FAM117A: variants seen among roughly 807,000 people sequenced by gnomAD.
FAM117A encodes the protein protein FAM117A.
A neutral mutation model predicts 44.1 loss-of-function variants in FAM117A; 21 were observed. That is an observed-to-expected ratio of 0.48 (90% confidence interval 0.34 to 0.69). FAM117A has a LOEUF of 0.69. FAM117A is among the 30% of genes least tolerant of loss of function. The pLI is 0.01. For synonymous variants in FAM117A, 220 were observed against 238.3 expected (o/e 0.92, Z 0.71); for missense variants, 498 against 589.9 (o/e 0.84, Z 1.61).
chr17:49,722,383 G>T (rs2073538979), intron 3 of FAM117A, 116 bp downstream of exon 3: 1 of 835,304 alleles, frequency 1.2e-6, no homozygotes, highest in Non-Finnish European at 1.9e-6. Flanking sequence ...GAAAAGGCCA[G>T]GTCAAGATAG....
chr17:49,724,820 A>C, intron 2 of FAM117A, among the ~76,000 whole-genome samples: 1 of 149,388 alleles, frequency 6.7e-6, no homozygotes, highest in Non-Finnish European at 1.5e-5. Flanking sequence ...AGACAGTCTC[A>C]AGAAAAAAAA....
chr17:49,773,708 G>C (rs1017261102), intron 1 of FAM117A, among the ~76,000 whole-genome samples: 3 of 151,476 alleles, frequency 2.0e-5, no homozygotes, highest in African/African-American at 4.9e-5. Context: ...TCAGGACTTA[G>C]GTGTTCAGTT....
intron 1 of FAM117A, among the ~76,000 whole-genome samples, chr17:49,736,589 G>T (rs1188410217): frequency 6.6e-6 from 1 of 152,162 alleles, no homozygotes. Flanking sequence ...TCATGTTCTG[G>T]TCCCACTTAC....
intron 7 of FAM117A, among the ~76,000 whole-genome samples, chr17:49,714,982 G>A (rs768019614): frequency 2.0e-5 from 3 of 152,290 alleles, no homozygotes; most frequent in Non-Finnish European, 4.4e-5. Flanking sequence ...TGCAGGGGCA[G>A]GAAGATAAAT....
intron 2 of FAM117A, among the ~76,000 whole-genome samples, chr17:49,730,468 T>C (rs976512561): frequency 5.3e-5 from 8 of 152,168 alleles, no homozygotes; most frequent in Non-Finnish European, 1.2e-4. Context: ...GAGAAAGCTA[T>C]CTGAGGAGTG....
upstream of FAM117A, among the ~76,000 whole-genome samples, chr17:49,764,402 T>G (rs1384145246): frequency 6.6e-6 from 1 of 152,082 alleles, no homozygotes; most frequent in Non-Finnish European, 1.5e-5. Context: ...GCGCCACCAA[T>G]GAGAAGACGC....
At chr17:49,728,168 C>T (rs1408744640) in intron 2 of FAM117A, among the ~76,000 whole-genome samples, 3 of 152,192 alleles carry the variant, frequency 2.0e-5, no homozygotes, top group Non-Finnish European at 2.9e-5. Flanking sequence ...TGGTCCTGAT[C>T]GCCAATCTGG....
At chr17:49,779,726 T>G (rs1156354847) in intron 1 of FAM117A, among the ~76,000 whole-genome samples, 1 of 152,226 alleles carries the variant, frequency 6.6e-6, no homozygotes, top group Non-Finnish European at 1.5e-5. Flanking sequence ...TCAGGACTGT[T>G]GGGAACCATG....
chr17:49,789,053 C>T (rs1481043341), upstream of FAM117A: 10 of 426,788 alleles, frequency 2.3e-5, no homozygotes, highest in Admixed American at 8.8e-5. Flanking sequence ...TATTCCCGCC[C>T]TCTGCTTGCC....
At chr17:49,727,122 CA>C (rs2073563493) in intron 2 of FAM117A, among the ~76,000 whole-genome samples, 1 of 152,074 alleles carries the variant, frequency 6.6e-6, no homozygotes, top group Admixed American at 6.6e-5. Context: ...TGTTTGTCTC[CA>C]GGCACGGTGA....
At chr17:49,743,888 G>A (rs1361403798) in intron 1 of FAM117A, among the ~76,000 whole-genome samples, 2 of 151,872 alleles carry the variant, frequency 1.3e-5, no homozygotes, top group African/African-American at 4.8e-5. Context: ...CTATGATTGT[G>A]CCACTACACT....
chr17:49,779,604 C>G (rs1289472508), intron 1 of FAM117A, among the ~76,000 whole-genome samples: 4 of 152,306 alleles, frequency 2.6e-5, no homozygotes, highest in African/African-American at 9.6e-5. Context: ...ATTTAAATGG[C>G]CTGCCGCCCT....
chr17:49,740,115 G>A (rs1303758155), intron 1 of FAM117A, among the ~76,000 whole-genome samples: 1 of 152,224 alleles, frequency 6.6e-6, no homozygotes, highest in Non-Finnish European at 1.5e-5. Context: ...AGTGGAGAGG[G>A]CCAGCGGTCA....
Position 49,711,009 on chromosome 17 carries a change from A to G in FAM117A, c.*246T>C. On this transcript the variant is annotated 3_prime_UTR_variant, in exon 8 of 8. Coordinates refer to ENST00000240364, the MANE Select transcript of FAM117A (RefSeq NM_030802.4). Reference sequence around the variant, plus strand: ...CTGGGTGTTTTCCACCAAGTGAGGGATGTGGCAGGTACACAGGTGTGAATT... The same window carrying G: ...CTGGGTGTTTTCCACCAAGTGAGGGGTGTGGCAGGTACACAGGTGTGAATT... 2.5e-6 allele frequency: 1 copy of G among 405,116 alleles called. No homozygotes were observed. The highest frequency in any genetic ancestry group is 3.8e-5 in the East Asian group (1 of 26,142). The allele number at this position is 405,116 out of a possible 1,614,324, so 25.1% of individuals were successfully genotyped here.
intron 2 of FAM117A, among the ~76,000 whole-genome samples, chr17:49,727,363 G>A (rs2073564684): frequency 6.6e-6 from 1 of 152,106 alleles, no homozygotes; most frequent in Non-Finnish European, 1.5e-5. Context: ...AGCCAAAATC[G>A]AGCCACTGCA....
chr17:49,724,384 C>G (rs552281598), intron 2 of FAM117A: 6 of 456,310 alleles, frequency 1.3e-5, no homozygotes, highest in African/African-American at 1.2e-4. Context: ...AGGGAAGATA[C>G]TGTACTCACA....
chr17:49,714,498 C>T (rs964213236), intron 7 of FAM117A, among the ~76,000 whole-genome samples: 3 of 151,358 alleles, frequency 2.0e-5, no homozygotes, highest in African/African-American at 4.9e-5. Context: ...CTAACACACC[C>T]GGCTACTTTT....
At chr17:49,772,807 A>C (rs2073764996) in intron 1 of FAM117A, among the ~76,000 whole-genome samples, 1 of 152,172 alleles carries the variant, frequency 6.6e-6, no homozygotes, top group South Asian at 2.1e-4. Flanking sequence ...GAGTAATTTG[A>C]AAAGTGGTCT....
intron 3 of FAM117A, among the ~76,000 whole-genome samples, chr17:49,720,897 T>C (rs2073531178): frequency 6.6e-6 from 1 of 152,146 alleles, no homozygotes; most frequent in Non-Finnish European, 1.5e-5. Context: ...GTATTTTTAA[T>C]AGAGATGGGG....
Sources: gnomAD v4.1 joint callset for allele counts (sites outside exome capture counted in the v4.1 genomes callset) on GRCh38, gnomAD v4.1.1 for gene constraint, MANE v1.5 for transcripts, NCBI Gene and HGNC (gene_info 2026-07-23, HGNC 2026-07-21) for gene names.